ZBTB7C: variants seen among roughly 807,000 people sequenced by gnomAD.
ZBTB7C encodes the protein zinc finger and BTB domain containing 7C, also known as zinc finger and BTB domain-containing protein 7C.
In ZBTB7C, 8 loss-of-function variants were observed where a neutral mutation model predicts 25.7. The observed-to-expected ratio is 0.31, with a 90% CI of 0.18 to 0.56. The LOEUF (loss-of-function observed/expected upper bound fraction) is 0.56, where lower values mean the gene tolerates loss of function less well. Among genes scored for constraint, ZBTB7C ranks in the 20% least tolerant of loss-of-function variants. The pLI, the probability that ZBTB7C is intolerant of heterozygous loss-of-function variation, is 0.91. For missense variants in ZBTB7C, 824 were observed against 855.2 expected (o/e 0.96, Z 0.46); for synonymous variants, 394 against 369.0 (o/e 1.07, Z -0.78).
At chr18:48,119,404 T>C (rs937987863) in intron 3 of ZBTB7C, among the ~76,000 whole-genome samples, 1 of 152,262 alleles carries the variant, frequency 6.6e-6, no homozygotes, top group African/African-American at 2.4e-5. Flanking sequence ...TCTTTGTTCC[T>C]ACTGCCAGCC....
intron 2 of ZBTB7C, among the ~76,000 whole-genome samples, chr18:48,308,990 G>A (rs778081711): frequency 7.2e-5 from 11 of 152,204 alleles, no homozygotes; most frequent in Admixed American, 1.3e-4. Flanking sequence ...CCTACAGAAG[G>A]TGAGGTCTAC....
intron 2 of ZBTB7C, among the ~76,000 whole-genome samples, chr18:48,228,743 T>TCACA (rs34427342): frequency 0.023 from 3,113 of 135,828 alleles, 57 homozygotes; most frequent in Admixed American, 0.063. Flanking sequence ...TCTCTCTCTC[T>TCACA]CTCTCACACA....
At chr18:48,221,656 C>G (rs538042071) in intron 2 of ZBTB7C, among the ~76,000 whole-genome samples, 2 of 150,260 alleles carry the variant, frequency 1.3e-5, no homozygotes, top group African/African-American at 4.9e-5. Flanking sequence ...CTGTCCTAAT[C>G]TCCTTTATAC....
chr18:48,121,930 T>C (rs903156788), intron 3 of ZBTB7C, among the ~76,000 whole-genome samples: 2 of 152,046 alleles, frequency 1.3e-5, no homozygotes, highest in Non-Finnish European at 2.9e-5. Flanking sequence ...CAGAGACCCA[T>C]GGATGTGGAG....
intron 3 of ZBTB7C, among the ~76,000 whole-genome samples, chr18:48,097,382 G>GTTGTTGTTGTTA (rs10651143): frequency 2.2e-4 from 32 of 144,972 alleles, no homozygotes; most frequent in Non-Finnish European, 4.4e-4. Context: ...TATTGTTGTT[G>GTTGTTGTTGTTA]TTATTATTAT....
intron 4 of ZBTB7C, among the ~76,000 whole-genome samples, chr18:48,039,400 C>A (rs909855303): frequency 1.3e-5 from 2 of 152,226 alleles, no homozygotes; most frequent in Non-Finnish European, 2.9e-5. Context: ...ACAAAGTCAA[C>A]CACGTCTCCC....
At chr18:48,127,487 T>C (rs1301915590) in intron 3 of ZBTB7C, among the ~76,000 whole-genome samples, 1 of 152,222 alleles carries the variant, frequency 6.6e-6, no homozygotes, top group African/African-American at 2.4e-5. Context: ...AAGACCTGCA[T>C]GGGTGTCCTA....
intron 2 of ZBTB7C, among the ~76,000 whole-genome samples, chr18:48,251,645 A>G (rs1382376785): frequency 6.6e-6 from 1 of 152,242 alleles, no homozygotes; most frequent in Non-Finnish European, 1.5e-5. Context: ...CCATGTGTAC[A>G]GTAAGGATCA....
chr18:48,263,207 T>A (rs574692009), intron 2 of ZBTB7C, among the ~76,000 whole-genome samples: 1 of 152,244 alleles, frequency 6.6e-6, no homozygotes, highest in Non-Finnish European at 1.5e-5. Context: ...TGGCTAAATC[T>A]ACCTGCTCTT....
chr18:48,076,652 G>T (rs2037776533), intron 3 of ZBTB7C, among the ~76,000 whole-genome samples: 1 of 152,164 alleles, frequency 6.6e-6, no homozygotes, highest in Non-Finnish European at 1.5e-5. Flanking sequence ...CATGGGCAGG[G>T]AGCAGGGTGA....
At chr18:48,316,364 C>G (rs1432120010) in intron 2 of ZBTB7C, among the ~76,000 whole-genome samples, 4 of 152,194 alleles carry the variant, frequency 2.6e-5, no homozygotes, top group African/African-American at 9.7e-5. Flanking sequence ...TCCTCCACCC[C>G]CAGCCCCTAG....
chr18:48,088,205 A>G (rs930985423), intron 3 of ZBTB7C: 2 of 152,188 alleles, frequency 1.3e-5, no homozygotes, highest in Non-Finnish European at 2.9e-5. Context: ...AACAGGGGAG[A>G]AAGAACTCAG....
chr18:48,086,859 G>A (rs2038209338), intron 3 of ZBTB7C, among the ~76,000 whole-genome samples: 1 of 152,086 alleles, frequency 6.6e-6, no homozygotes, highest in Admixed American at 6.6e-5. Flanking sequence ...TTATTTAATC[G>A]AACTCTGTGC....
chr18:48,029,129 G>GTAT lies in ZBTB7C; in HGVS notation c.*128_*130dup, dbSNP rs545966893. The GTAT allele has an allele frequency of 4.0e-4, 505 of 1,252,670 alleles. 8 individuals carry two copies. The South Asian group carries it at 7.1e-3, about 18-fold the overall frequency. The allele number at this position is 1,252,670 out of a possible 1,614,324, so 77.6% of individuals were successfully genotyped here. On this transcript the variant is annotated 3_prime_UTR_variant, in exon 5 of 5. Coordinates refer to ENST00000590800, the MANE Select transcript of ZBTB7C (RefSeq NM_001318841.2). ...GCCCGGGAAAATGCCATCACTGATAGTATTATTATTATTTTCCCATTTTCC... is the reference window on the plus strand; with the variant it reads ...GCCCGGGAAAATGCCATCACTGATAGTATTATTATTATTATTTTCCCATTTTCC...
At chr18:48,192,555 C>T (rs1281518921) in intron 2 of ZBTB7C, among the ~76,000 whole-genome samples, 1 of 152,222 alleles carries the variant, frequency 6.6e-6, no homozygotes, top group Non-Finnish European at 1.5e-5. Flanking sequence ...CCACCATCTC[C>T]CGGGTTCAAG....
At chr18:48,339,718 T>C (rs543427122) in intron 1 of ZBTB7C, among the ~76,000 whole-genome samples, 97 of 151,514 alleles carry the variant, frequency 6.4e-4, no homozygotes, top group Non-Finnish European at 9.9e-4. Context: ...TATGGGGGGA[T>C]GGGGAGAAGA....
At chr18:48,127,996 G>C (rs2039861654) in intron 3 of ZBTB7C, among the ~76,000 whole-genome samples, 1 of 152,202 alleles carries the variant, frequency 6.6e-6, no homozygotes, top group Admixed American at 6.5e-5. Flanking sequence ...GTCATCTGGA[G>C]GACCCCGTAA....
intron 3 of ZBTB7C, chr18:48,150,511 G>A (rs1338911371): frequency 1.3e-5 from 2 of 151,644 alleles, no homozygotes; most frequent in Non-Finnish European, 2.9e-5. Context: ...TAACCCGGGA[G>A]GCGGAGGTTG....
At chr18:48,156,327 T>A (rs74362596) in intron 3 of ZBTB7C, among the ~76,000 whole-genome samples, 6,418 of 152,270 alleles carry the variant, frequency 0.042, 149 homozygotes, top group Middle Eastern at 0.085. Flanking sequence ...AACAGTCCCA[T>A]GGAGCTCCGC....
Sources: allele counts gnomAD v4.1 joint callset (sites outside exome capture counted in the v4.1 genomes callset), GRCh38; gene constraint gnomAD v4.1.1; transcripts MANE v1.5; gene names NCBI Gene and HGNC (gene_info 2026-07-23, HGNC 2026-07-21).